The following ZNF30 variants were observed in gnomAD, a reference collection of about 807,000 sequenced individuals.
ZNF30 encodes zinc finger protein 30.
ZNF30 carries 15 observed loss-of-function variants against 13.2 expected under a neutral mutation model. The observed-to-expected ratio is 1.13, with a 90% CI of 0.76 to 1.75. ZNF30 has a LOEUF of 1.75. Among genes scored for constraint, ZNF30 ranks in the 40% most tolerant of loss-of-function variants. The pLI is 0.00. For synonymous variants in ZNF30, 223 were observed against 256.6 expected, an observed-to-expected ratio of 0.87 and a Z score of 1.25; for missense variants, 726 against 757.0, an observed-to-expected ratio of 0.96 and a Z score of 0.48.
intron 4 of ZNF30, among the ~76,000 whole-genome samples, chr19:34,934,959 G>A (rs539961481): frequency 1.3e-5 from 2 of 152,160 alleles, no homozygotes; most frequent in Non-Finnish European, 2.9e-5. Context: ...GCCGGGCGCG[G>A]TGGCTCACGC....
chr19:34,925,405 G>C (rs1320591628), upstream of ZNF30, among the ~76,000 whole-genome samples: 2 of 152,206 alleles, frequency 1.3e-5, no homozygotes, highest in African/African-American at 4.8e-5. Context: ...TTTTCCCCTG[G>C]AATCGGGCTG....
At chr19:34,936,839 T>C (rs2012766171) in intron 4 of ZNF30, among the ~76,000 whole-genome samples, 1 of 152,022 alleles carries the variant, frequency 6.6e-6, no homozygotes, top group Admixed American at 6.5e-5. Context: ...AAGGCTGCAG[T>C]GAGCTATGAT....
rs766215558 is a variant in ZNF30, at chr19:34,944,278, A to G, written c.1312A>G (p.Ile438Val). ...ATGTAAGGAATGTGGCAAAGCCTTT[A>G]TTAGTCGCCATCAGCTTACCGTACA... ...YECKECGKAFISRHQLTVHQR... is the reference protein window; with the variant it reads ...YECKECGKAFVSRHQLTVHQR... The change falls in exon 5 of 5, where the codon ATT (isoleucine) becomes GTT (valine). Residue 438 changes from isoleucine (I) to valine (V), a missense_variant. Transcript: ENST00000601142. 1 of 1,613,600 alleles carries G rather than the reference A, an allele frequency of 6.2e-7. No homozygotes were observed. The highest frequency in any genetic ancestry group is 1.1e-5 in the South Asian group (1 of 91,052).
At chr19:34,940,667 CAAAAAA>C (rs59553578) in intron 4 of ZNF30, among the ~76,000 whole-genome samples, 22 of 63,912 alleles carry the variant, frequency 3.4e-4, no homozygotes, top group East Asian at 9.0e-4. Flanking sequence ...GACTCCGTCT[CAAAAAA>C]AAAAAAAAAA....
At chr19:34,934,423 C>T (rs2012616628) in intron 4 of ZNF30, among the ~76,000 whole-genome samples, 1 of 152,124 alleles carries the variant, frequency 6.6e-6, no homozygotes, top group South Asian at 2.1e-4. Context: ...ACCACCACAC[C>T]TGGCTAATTT....
chr19:34,924,104 T>C (rs1802351671), upstream of ZNF30, among the ~76,000 whole-genome samples: 1 of 152,090 alleles, frequency 6.6e-6, no homozygotes, highest in African/African-American at 2.4e-5. Flanking sequence ...ATCTGAAATC[T>C]CCAATTTACC....
chr19:34,926,852 A>C (rs1216695588), upstream of ZNF30: 2 of 397,120 alleles, frequency 5.0e-6, no homozygotes, highest in Non-Finnish European at 8.9e-6. Context: ...GCGCCTGCGC[A>C]TTCTCAGCCG....
In ZNF30 at chr19:34,943,325, G is replaced by A. The variant is rs572653209; in HGVS notation, c.359G>A (p.Arg120His). ...LHQKISRQKP[R>H]ECQEYGKTLC... ...CAGAAAATAAGTAGACAGAAACCAC[G>A]TGAATGTCAGGAATATGGAAAGACC... Residue 120 changes from arginine to histidine, a missense_variant, in exon 5 of 5, where the codon CGT becomes CAT. Arg to His is a conservative substitution (Grantham distance 29). Coordinates refer to ENST00000601142, the MANE Select transcript of ZNF30 (RefSeq NM_194325.3). 20 of 1,613,874 alleles carry A rather than the reference G, an allele frequency of 1.2e-5. No individual in the cohort carries two copies. Among genetic ancestry groups the A allele is most frequent in the African/African-American group, 8.0e-5 (6 of 75,000 alleles).
At chr19:34,925,393 G>T (rs2012029301), upstream of ZNF30, among the ~76,000 whole-genome samples, 1 of 152,234 alleles carries the variant, frequency 6.6e-6, no homozygotes. Context: ...GAAGGGAAAT[G>T]GTTTTCCCCT....
chr19:34,943,622 T>C lies in ZNF30; in HGVS notation c.656T>C (p.Leu219Pro), dbSNP rs980805335. The change falls in exon 5 of 5, where the codon CTT (leucine) becomes CCT (proline). Residue 219 changes from leucine (L) to proline (P), a missense_variant. By Grantham distance (98) the Leu-to-Pro change is moderately conservative (BLOSUM62 -3). Transcript: ENST00000601142. ...CGKTISGSYQ[L>P]TVHKSIHTGK... is the part of the protein sequence containing the mutation. Reference sequence around the variant, plus strand: ...AAGACTATTAGTGGTAGCTATCAACTTACAGTACATAAGAGTATTCATACT... The same window carrying C: ...AAGACTATTAGTGGTAGCTATCAACCTACAGTACATAAGAGTATTCATACT... 6.2e-7 allele frequency: 1 copy of C among 1,613,704 alleles called. No individual in the cohort carries two copies. Among genetic ancestry groups the C allele is most frequent in the African/African-American group, 1.3e-5 (1 of 74,996 alleles).
rs2012579464 is a variant in ZNF30, at chr19:34,933,669, C to A, written c.202C>A (p.Gln68Lys). The change falls in exon 4 of 5, where the codon CAA becomes AAA. Residue 68 changes from glutamine (Q) to lysine (K), a missense_variant. Coordinates refer to ENST00000601142, the MANE Select transcript of ZNF30 (RefSeq NM_194325.3). ...SKPHVIALLEQWKEPEVTVRK... is the reference protein window; with the variant it reads ...SKPHVIALLEKWKEPEVTVRK... Reference sequence around the variant, plus strand: ...ACCACATGTGATCGCCTTATTGGAACAATGGAAAGAGCCTGAAGTGACAGT... The same window carrying A: ...ACCACATGTGATCGCCTTATTGGAAAAATGGAAAGAGCCTGAAGTGACAGT... The A allele has an allele frequency of 1.9e-6, 3 of 1,601,656 alleles. No homozygotes were observed. The highest frequency in any genetic ancestry group is 2.6e-6 in the Non-Finnish European group (3 of 1,173,794).
At chr19:34,932,890 C>T (rs768863468) in intron 3 of ZNF30, among the ~76,000 whole-genome samples, 13 of 151,270 alleles carry the variant, frequency 8.6e-5, no homozygotes, top group East Asian at 3.9e-4. Flanking sequence ...AAGTGATTCT[C>T]CTGCCTCAGC....
intron 4 of ZNF30, among the ~76,000 whole-genome samples, 187 bp from the exon 5 acceptor site, chr19:34,943,036 A>C (rs1198168837): frequency 2.7e-5 from 4 of 150,704 alleles, no homozygotes; most frequent in Non-Finnish European, 5.9e-5. Context: ...CTAATCACCA[A>C]CCTTACTATT....
chr19:34,924,939 G>C (rs2012010171), upstream of ZNF30, among the ~76,000 whole-genome samples: 1 of 152,228 alleles, frequency 6.6e-6, no homozygotes, highest in Non-Finnish European at 1.5e-5. Flanking sequence ...ACTTGCTACT[G>C]CTGGTAGGGA....
chr19:34,929,817 G>C, intron 1 of ZNF30, 67 bp from the exon 2 acceptor site: 1 of 813,730 alleles, frequency 1.2e-6, no homozygotes, highest in South Asian at 2.0e-5. Context: ...TGAAGGGACA[G>C]GAAGGTTTAT....
chr19:34,941,242 T>C (rs2013031613), intron 4 of ZNF30, among the ~76,000 whole-genome samples: 1 of 152,156 alleles, frequency 6.6e-6, no homozygotes, highest in South Asian at 2.1e-4. Context: ...AGTCCAAAGT[T>C]CTGTTTCAGT....
intron 4 of ZNF30, among the ~76,000 whole-genome samples, chr19:34,938,253 AAAT>A (rs896732191): frequency 2.7e-4 from 41 of 152,290 alleles, no homozygotes; most frequent in African/African-American, 8.9e-4. Context: ...AGATTTTAAA[AAAT>A]AATAATAAAA....
chr19:34,938,007 G>T (rs1352052551), intron 4 of ZNF30, among the ~76,000 whole-genome samples: 1 of 152,080 alleles, frequency 6.6e-6, no homozygotes, highest in Non-Finnish European at 1.5e-5. Context: ...TGTTGTCCAG[G>T]TTGGTCTCAA....
intron 1 of ZNF30, 32 bp from the exon 2 acceptor site, chr19:34,929,852 A>C: frequency 8.5e-7 from 1 of 1,177,300 alleles, no homozygotes; most frequent in Non-Finnish European, 1.2e-6. Context: ...GAGAACACTA[A>C]AGCCTCCTTT....
Sources: allele counts gnomAD v4.1 joint callset (sites outside exome capture counted in the v4.1 genomes callset), GRCh38; gene constraint gnomAD v4.1.1; transcripts MANE v1.5; gene names NCBI Gene and HGNC (gene_info 2026-07-23, HGNC 2026-07-21).